TRIM37: variants seen among roughly 807,000 people sequenced by gnomAD.
The protein encoded by TRIM37 is E3 ubiquitin-protein ligase TRIM37.
In TRIM37, 80 loss-of-function variants were observed where a neutral mutation model predicts 129.8. That is an observed-to-expected ratio of 0.62 (90% CI 0.51 to 0.74). TRIM37 has a LOEUF of 0.74. Ranked by LOEUF, TRIM37 falls within the 30% of genes least tolerant of loss-of-function variation. The pLI is 0.00. For missense variants in TRIM37, 1,054 were observed against 1,176.5 expected (o/e 0.90, Z 1.52); for synonymous variants, 389 against 387.1 (o/e 1.00, Z -0.06).
chr17:58,987,944 A>T (rs1167735727), intron 24 of TRIM37, among the ~76,000 whole-genome samples: 7 of 152,238 alleles, frequency 4.6e-5, no homozygotes, highest in African/African-American at 1.7e-4. Context: ...TAGAAGGAGC[A>T]TTTCTTCTAC....
intron 5 of TRIM37, among the ~76,000 whole-genome samples, chr17:59,082,607 T>C (rs1016274784): frequency 6.6e-6 from 1 of 152,190 alleles, no homozygotes; most frequent in Non-Finnish European, 1.5e-5. Context: ...AGAAGACTGA[T>C]ACAAGTTAGC....
At position 59,081,103 on chromosome 17, in the gene TRIM37, T is replaced by C. The variant is rs746162038; in HGVS notation, c.486A>G (p.Gln162=). Residue 162 remains glutamine (Q), a synonymous_variant, in exon 6 of 24, where the codon CAA becomes CAG. Coordinates refer to ENST00000262294, the MANE Select transcript of TRIM37 (RefSeq NM_015294.6). ...ATTTTAGTAGTAGTCTTACCACTTC[T>C]TGAACTAAGCTGATCAGTTCCATGA... ...RRLMELISLV[Q]EVERNVEAVR... 17 of 1,610,506 alleles carry C rather than the reference T, an allele frequency of 1.1e-5. No individual in the cohort carries two copies. In the South Asian group the frequency reaches 1.5e-4, roughly 15 times the overall value.
At chr17:59,097,562 A>AC (rs911372253) in intron 2 of TRIM37, among the ~76,000 whole-genome samples, 44 of 152,168 alleles carry the variant, frequency 2.9e-4, no homozygotes, top group Middle Eastern at 3.4e-3. Flanking sequence ...GAAAAAAAAA[A>AC]CCAAGAATTT....
At chr17:58,994,120 C>T (rs903608724), downstream of TRIM37, among the ~76,000 whole-genome samples, 2 of 152,102 alleles carry the variant, frequency 1.3e-5, no homozygotes, top group Non-Finnish European at 2.9e-5. Context: ...AGCTAGGCTT[C>T]TGTCAGAGAA....
At chr17:58,983,155 T>G (rs1008776002) in intron 24 of TRIM37, 19 of 459,008 alleles carry the variant, frequency 4.1e-5, no homozygotes, top group Non-Finnish European at 7.0e-5. Flanking sequence ...TTTAGGGGTC[T>G]GGATTTTGTA....
At chr17:59,057,131 T>C in intron 12 of TRIM37, 77 bp from the exon 13 acceptor site, 1 of 1,283,062 alleles carries the variant, frequency 7.8e-7, no homozygotes, top group Non-Finnish European at 1.1e-6. Flanking sequence ...AACATTAAGG[T>C]CACTAAGTAA....
intron 13 of TRIM37, among the ~76,000 whole-genome samples, chr17:59,052,783 C>T (rs767503537): frequency 2.0e-5 from 3 of 151,912 alleles, no homozygotes; most frequent in Non-Finnish European, 4.4e-5. Context: ...GGTGAAACCC[C>T]GTCTCTACTA....
At chr17:59,047,957 C>T in intron 15 of TRIM37, 138 bp from the exon 16 acceptor site, 1 of 971,604 alleles carries the variant, frequency 1.0e-6, no homozygotes, top group East Asian at 2.6e-5. Flanking sequence ...GCCTCAGCTG[C>T]TGAGCCCTGT....
intron 7 of TRIM37, among the ~76,000 whole-genome samples, chr17:59,076,536 G>C (rs1211015041): frequency 2.6e-5 from 4 of 152,188 alleles, no homozygotes; most frequent in Non-Finnish European, 5.9e-5. Context: ...CTGGGCAACA[G>C]AGTGAGACCC....
intron 9 of TRIM37, among the ~76,000 whole-genome samples, chr17:59,069,136 G>A (rs1038075655): frequency 6.6e-6 from 1 of 151,946 alleles, no homozygotes; most frequent in Non-Finnish European, 1.5e-5. Flanking sequence ...CACTTGAGGT[G>A]AGGAGTTTGA....
chr17:59,032,361 T>C (rs2037949207), intron 17 of TRIM37, among the ~76,000 whole-genome samples: 1 of 149,762 alleles, frequency 6.7e-6, no homozygotes, highest in Non-Finnish European at 1.5e-5. Context: ...CCGTCTCTAC[T>C]AAAAATACAA....
intron 2 of TRIM37, among the ~76,000 whole-genome samples, chr17:59,099,193 A>G (rs2045219287): frequency 6.6e-6 from 1 of 152,078 alleles, no homozygotes; most frequent in Admixed American, 6.6e-5. Flanking sequence ...AAAAACAAAA[A>G]AACTTAAGAA....
In TRIM37 at chr17:59,088,405, G is replaced by A; in HGVS notation, c.167C>T (p.Ala56Val). The A allele has an allele frequency of 1.3e-6, 2 of 1,587,892 alleles. No homozygotes were observed. The highest frequency in any genetic ancestry group is 2.2e-5 in the East Asian group (1 of 44,708). The change falls in exon 4 of 24, where the codon GCT becomes GTT. Residue 56 changes from alanine (A) to valine (V), a missense_variant and splice_region_variant. By Grantham distance (64) the Ala-to-Val change is moderately conservative. Around this residue, in one of 3 missense-constraint regions of TRIM37, gnomAD observed 752 missense variants for 870.8 expected, o/e 0.86. Coordinates refer to ENST00000262294, the MANE Select transcript of TRIM37 (RefSeq NM_015294.6). ...EQRAQCPHCR[A>V]PLQLRELVNC... ...TACTAGTTCTCGTAGCTGGAGTGGA[G>A]CACTGGGGAGAAAATCCATACACAT...
chr17:59,105,388 GAAC>G (rs1040359801), intron 1 of TRIM37, among the ~76,000 whole-genome samples: 10 of 152,018 alleles, frequency 6.6e-5, no homozygotes, highest in East Asian at 3.9e-4. Context: ...GCGATCTTGG[GAAC>G]AACAACAACA....
rs1285351867 is a variant in TRIM37 at position 59,017,389 on chromosome 17, G to A, written c.2293C>T (p.Arg765Ter). ...GATAGACTACCTGCTACACTGGATC[G>A]AGCTGGCTTGGGCGAATTACTCTTC... is the stretch of plus-strand genomic sequence containing the variant. ...NKKSNSPKPA[R>*]SSVAGSLSLR... Residue 765 changes from arginine to a stop codon, truncating the protein, a stop_gained, in exon 20 of 24, where the codon CGA becomes TGA. Coordinates refer to ENST00000262294, the MANE Select transcript of TRIM37 (RefSeq NM_015294.6). LOFTEE classifies it high-confidence loss of function. 3 of 1,613,912 alleles carry A rather than the reference G, an allele frequency of 1.9e-6. No homozygotes were observed. Among genetic ancestry groups the A allele is most frequent in the East Asian group, 2.2e-5 (1 of 44,878 alleles).
chr17:59,020,493 T>C (rs1290936289), intron 19 of TRIM37, among the ~76,000 whole-genome samples: 1 of 151,930 alleles, frequency 6.6e-6, no homozygotes, highest in East Asian at 1.9e-4. Flanking sequence ...AATGACTGTA[T>C]ATCAATAAAT....
intron 2 of TRIM37, among the ~76,000 whole-genome samples, chr17:59,093,375 C>A (rs1047943260): frequency 1.3e-5 from 2 of 152,160 alleles, no homozygotes; most frequent in African/African-American, 4.8e-5. Context: ...TATAACCCAG[C>A]AAGGTAATGT....
chr17:59,098,857 T>A (rs760110098), intron 2 of TRIM37, among the ~76,000 whole-genome samples: 1 of 151,510 alleles, frequency 6.6e-6, no homozygotes, highest in Non-Finnish European at 1.5e-5. Flanking sequence ...ATCCAAAAAG[T>A]GAAAACAACC....
chr17:59,061,958 T>A (rs139366813), intron 11 of TRIM37, among the ~76,000 whole-genome samples: 1,829 of 152,002 alleles, frequency 0.012, 17 homozygotes, highest in Middle Eastern at 0.041. Flanking sequence ...AAATGACTCA[T>A]CAGCTAGGTG....
Sources: allele counts gnomAD v4.1 joint callset (sites outside exome capture counted in the v4.1 genomes callset), GRCh38; gene constraint gnomAD v4.1.1; regional missense constraint gnomAD v4.1.1; transcripts MANE v1.5; gene names NCBI Gene and HGNC (gene_info 2026-07-23, HGNC 2026-07-21).